The following ZNRF2 variants were observed in gnomAD, a reference collection of about 807,000 sequenced individuals.
The protein encoded by ZNRF2 is E3 ubiquitin-protein ligase ZNRF2.
Under a neutral mutation model 20.4 loss-of-function variants are expected in ZNRF2, and 16 were observed. The observed-to-expected ratio is 0.79, with a 90% CI of 0.53 to 1.19. ZNRF2 has a LOEUF of 1.19. Ranked by LOEUF, ZNRF2 falls within the 50% of genes most tolerant of loss-of-function variation. The pLI is 0.00. For missense variants in ZNRF2, 363 were observed against 332.4 expected, an observed-to-expected ratio of 1.09 and a Z score of -0.72; for synonymous variants, 178 against 144.9, an observed-to-expected ratio of 1.23 and a Z score of -1.64.
intron 3 of ZNRF2, among the ~76,000 whole-genome samples, chr7:30,361,371 T>C (rs928536552): frequency 7.9e-5 from 12 of 152,242 alleles, no homozygotes; most frequent in African/African-American, 2.4e-4. Flanking sequence ...TTTCATCTTA[T>C]CACTTTTACC....
At chr7:30,338,276 ATTT>A (rs535216493) in intron 2 of ZNRF2, among the ~76,000 whole-genome samples, 1 of 137,286 alleles carries the variant, frequency 7.3e-6, no homozygotes, top group African/African-American at 2.7e-5. Flanking sequence ...TGCTGTGCCC[ATTT>A]TTTTTTTTTT....
intron 1 of ZNRF2, among the ~76,000 whole-genome samples, chr7:30,302,472 G>A (rs551406612): frequency 6.6e-6 from 1 of 152,004 alleles, no homozygotes; most frequent in Non-Finnish European, 1.5e-5. Flanking sequence ...TTTAAGAAAT[G>A]TATAGTCTCT....
At chr7:30,312,898 A>G (rs1382541008) in intron 1 of ZNRF2, among the ~76,000 whole-genome samples, 1 of 152,252 alleles carries the variant, frequency 6.6e-6, no homozygotes, top group African/African-American at 2.4e-5. Flanking sequence ...GTAAAATTCA[A>G]CTGAAATTTA....
chr7:30,300,580 A>G (rs1799098884), intron 1 of ZNRF2, among the ~76,000 whole-genome samples: 1 of 152,172 alleles, frequency 6.6e-6, no homozygotes, highest in Non-Finnish European at 1.5e-5. Flanking sequence ...TTATCTGATT[A>G]GCAGTTTTTG....
At chr7:30,306,560 A>C (rs950460918) in intron 1 of ZNRF2, among the ~76,000 whole-genome samples, 3 of 152,144 alleles carry the variant, frequency 2.0e-5, no homozygotes, top group Admixed American at 1.3e-4. Flanking sequence ...TGATAAAACC[A>C]CCTATTCCAG....
intron 2 of ZNRF2, among the ~76,000 whole-genome samples, chr7:30,351,012 T>G (rs1157444368): frequency 2.0e-5 from 3 of 151,776 alleles, no homozygotes; most frequent in African/African-American, 7.2e-5. Context: ...TTTTGTTTTT[T>G]TTTTTAAAGA....
intron 2 of ZNRF2, among the ~76,000 whole-genome samples, chr7:30,354,383 G>A (rs548301229): frequency 1.3e-5 from 2 of 152,132 alleles, no homozygotes; most frequent in Non-Finnish European, 2.9e-5. Flanking sequence ...TGCAGAAGGT[G>A]CCCTGTTACC....
At chr7:30,348,709 A>C (rs367577350) in intron 2 of ZNRF2, among the ~76,000 whole-genome samples, 2 of 152,204 alleles carry the variant, frequency 1.3e-5, no homozygotes, top group African/African-American at 4.8e-5. Flanking sequence ...TCCATTCTCT[A>C]AAAATCCCTG....
intron 2 of ZNRF2, among the ~76,000 whole-genome samples, chr7:30,332,999 AGT>A (rs1799658969): frequency 6.6e-6 from 1 of 151,274 alleles, no homozygotes; most frequent in Non-Finnish European, 1.5e-5. Context: ...TCCCACCAAC[AGT>A]GTGTAAGTGT....
intron 1 of ZNRF2, among the ~76,000 whole-genome samples, chr7:30,320,510 T>A (rs913220016): frequency 6.6e-6 from 1 of 152,154 alleles, no homozygotes; most frequent in African/African-American, 2.4e-5. Flanking sequence ...GGTGTGGAGG[T>A]GATATGCATT....
At chr7:30,316,288 C>CAAAAAAAAAAAAAAAAAAAAAAAAAAA (rs60218988) in intron 1 of ZNRF2, among the ~76,000 whole-genome samples, 2 of 27,476 alleles carry the variant, frequency 7.3e-5, no homozygotes, top group African/African-American at 1.8e-4. Context: ...AACTCCATCT[C>CAAAAAAAAAAAAAAAAAAAAAAAAAAA]AAAAAAAAAA....
At chr7:30,344,900 G>A (rs370005032) in intron 2 of ZNRF2, among the ~76,000 whole-genome samples, 1 of 152,110 alleles carries the variant, frequency 6.6e-6, no homozygotes, top group Non-Finnish European at 1.5e-5. Context: ...GACATTTTAA[G>A]CATTCTTCTG....
At chr7:30,303,613 C>A (rs938650872) in intron 1 of ZNRF2, among the ~76,000 whole-genome samples, 2 of 152,132 alleles carry the variant, frequency 1.3e-5, no homozygotes, top group Non-Finnish European at 2.9e-5. Context: ...TGTTTTCCTA[C>A]TGGAAAAAGG....
intron 2 of ZNRF2, among the ~76,000 whole-genome samples, chr7:30,324,282 C>G (rs1799518672): frequency 6.6e-6 from 1 of 151,670 alleles, no homozygotes; most frequent in Admixed American, 6.6e-5. Flanking sequence ...ACCTGTAATC[C>G]CAGCACTTTG....
chr7:30,359,243 A>G (rs1350118518), intron 3 of ZNRF2, among the ~76,000 whole-genome samples: 1 of 152,212 alleles, frequency 6.6e-6, no homozygotes, highest in Non-Finnish European at 1.5e-5. Context: ...TGTCTGGGAT[A>G]CACTTCTCCC....
intron 2 of ZNRF2, 45 bp downstream of exon 2, chr7:30,323,782 T>TA (rs1468212408): frequency 4.0e-6 from 5 of 1,239,912 alleles, no homozygotes; most frequent in Non-Finnish European, 5.5e-6. Context: ...AGAATTAACT[T>TA]ACATTTTATG....
rs75951307 is a variant in ZNRF2, at chr7:30,343,047, A to T, written c.566-12681A>T. 6.6e-3 allele frequency among the ~76,000 whole-genome samples: 1,012 copies of T among 152,220 alleles called. 16 individuals are homozygous for T. Among genetic ancestry groups the T allele is most frequent in the African/African-American group, 0.023 (973 of 41,530 alleles). On this transcript the variant is annotated intron_variant, in intron 2 of 4. Transcript: ENST00000323037. Reference sequence around the variant, plus strand: ...TGGCGAATGTTTCCTATTCATGTGTAATTTAAAAGGTCCTTTGGGAGGACA... The same window carrying T: ...TGGCGAATGTTTCCTATTCATGTGTTATTTAAAAGGTCCTTTGGGAGGACA...
At chr7:30,318,461 T>C (rs1265963040) in intron 1 of ZNRF2, among the ~76,000 whole-genome samples, 2 of 152,222 alleles carry the variant, frequency 1.3e-5, no homozygotes, top group Non-Finnish European at 2.9e-5. Context: ...AATCTCATAA[T>C]AGGGCCTTCA....
intron 1 of ZNRF2, among the ~76,000 whole-genome samples, chr7:30,305,864 TTCATCTG>T (rs1799192037): frequency 6.6e-6 from 1 of 152,166 alleles, no homozygotes; most frequent in African/African-American, 2.4e-5. Flanking sequence ...TCTTATTACA[TTCATCTG>T]TCATACATGT....
Sources: gnomAD v4.1 joint callset for allele counts (sites outside exome capture counted in the v4.1 genomes callset) on GRCh38, gnomAD v4.1.1 for gene constraint, MANE v1.5 for transcripts, NCBI Gene and HGNC (gene_info 2026-07-23, HGNC 2026-07-21) for gene names.